KCNIP4: variants seen among roughly 807,000 people sequenced by gnomAD.
KCNIP4 encodes the protein Kv channel-interacting protein 4.
KCNIP4 carries 12 observed loss-of-function variants against 34.0 expected under a neutral mutation model. The ratio of observed to expected loss-of-function variants is 0.35; its 90% confidence interval spans 0.23 to 0.57. The LOEUF is 0.57. KCNIP4 is among the 20% of genes least tolerant of loss of function. The pLI, the probability that KCNIP4 is intolerant of heterozygous loss-of-function variation, is 0.83. For synonymous variants in KCNIP4, 124 were observed against 102.2 expected (o/e 1.21, Z -1.29); for missense variants, 238 against 311.7 (o/e 0.76, Z 1.78).
At chr4:20,906,313 C>T (rs1255114978) in intron 1 of KCNIP4, among the ~76,000 whole-genome samples, 1 of 152,072 alleles carries the variant, frequency 6.6e-6, no homozygotes, top group Non-Finnish European at 1.5e-5. Context: ...CCATGTGCCC[C>T]CTCCCTTATC....
chr4:21,494,560 G>A (rs191756792), intron 1 of KCNIP4, among the ~76,000 whole-genome samples: 4 of 152,116 alleles, frequency 2.6e-5, no homozygotes, highest in Admixed American at 1.3e-4. Context: ...GGACCATGAG[G>A]TCAGGAGTTC....
chr4:21,306,821 CT>C (rs199792803), intron 1 of KCNIP4, among the ~76,000 whole-genome samples: 4,719 of 145,664 alleles, frequency 0.032, 131 homozygotes, highest in East Asian at 0.097. Flanking sequence ...TAGGCAGGAA[CT>C]TTTTTTTTTT....
intron 3 of KCNIP4, among the ~76,000 whole-genome samples, chr4:20,828,070 A>G (rs1717974357): frequency 6.6e-6 from 1 of 152,190 alleles, no homozygotes; most frequent in African/African-American, 2.4e-5. Context: ...GGAAACTACA[A>G]TTTCCTCATG....
At chr4:20,739,119 A>G (rs908788961) in intron 5 of KCNIP4, among the ~76,000 whole-genome samples, 9 of 152,202 alleles carry the variant, frequency 5.9e-5, no homozygotes, top group African/African-American at 9.6e-5. Context: ...CTGCAGCTCA[A>G]GGAGGCCTGC....
chr4:21,634,108 C>G (rs1427943702), intron 1 of KCNIP4, among the ~76,000 whole-genome samples: 1 of 151,520 alleles, frequency 6.6e-6, no homozygotes, highest in East Asian at 1.9e-4. Flanking sequence ...GAGGTCCACA[C>G]CTCATTAATG....
rs1747363328 is a variant in KCNIP4 at position 20,729,600 on chromosome 4, T to TAA, written c.*480_*481dup. 6.7e-6 allele frequency: 1 copy of TAA among 149,670 alleles called. No individual in the cohort carries two copies. The highest frequency in any genetic ancestry group is 1.5e-5 in the Non-Finnish European group (1 of 67,640). The allele number at this position is 149,670 out of a possible 1,614,324, so 9.3% of individuals were successfully genotyped here. A position where few individuals can be genotyped will look rare whatever the true frequency, so the allele number is the denominator to read the frequency against. ...TTTAATTGTTGTAATCTTGTTTCCT[T>TAA]AAAGTATATAAATGGAATTTAAATG... is the stretch of plus-strand genomic sequence containing the variant. On this transcript the variant is annotated 3_prime_UTR_variant, in exon 9 of 9. Coordinates refer to ENST00000382152, the MANE Select transcript of KCNIP4 (RefSeq NM_025221.6).
chr4:20,829,843 G>A lies in KCNIP4; in HGVS notation c.288+20700C>T, dbSNP rs545909568. 3.9e-5 allele frequency among the ~76,000 whole-genome samples: 6 copies of A among 152,024 alleles called. No individual in the cohort carries two copies. In the South Asian group the frequency reaches 6.2e-4, roughly 16 times the overall value. ...TTTCGGTGATCTCATCCAGTCTCAC[G>A]GAGATAAGTATGATATAGATGTTGG... On this transcript the variant is annotated intron_variant, in intron 3 of 8. Transcript: ENST00000382152.
intron 3 of KCNIP4, among the ~76,000 whole-genome samples, chr4:20,782,971 TTTC>T (rs1216141713): frequency 6.6e-6 from 1 of 152,134 alleles, no homozygotes; most frequent in Non-Finnish European, 1.5e-5. Flanking sequence ...TTCTTAGAAA[TTTC>T]TTCTGCCAGA....
intron 1 of KCNIP4, among the ~76,000 whole-genome samples, chr4:21,226,354 AGAAG>A (rs778357072): frequency 2.6e-3 from 357 of 135,904 alleles, no homozygotes; most frequent in Middle Eastern, 0.015. Flanking sequence ...GAGAAGGAAG[AGAAG>A]GAAGGAAGGA....
chr4:21,104,416 C>A (rs529615971), intron 1 of KCNIP4, among the ~76,000 whole-genome samples: 14 of 152,204 alleles, frequency 9.2e-5, no homozygotes, highest in African/African-American at 3.4e-4. Context: ...CTGTTCATAT[C>A]CTTCATCCAC....
At chr4:21,385,837 T>C (rs369430177) in intron 1 of KCNIP4, among the ~76,000 whole-genome samples, 20 of 152,234 alleles carry the variant, frequency 1.3e-4, no homozygotes, top group African/African-American at 4.6e-4. Flanking sequence ...AAAAGTCTAT[T>C]GGACAAATGA....
At chr4:21,114,432 C>G (rs1300328428) in intron 1 of KCNIP4, among the ~76,000 whole-genome samples, 2 of 152,000 alleles carry the variant, frequency 1.3e-5, no homozygotes, top group Non-Finnish European at 2.9e-5. Flanking sequence ...GCATGTGTTG[C>G]TTTTAGTAAG....
At chr4:20,902,122 C>A (rs1000645015) in intron 1 of KCNIP4, among the ~76,000 whole-genome samples, 2 of 152,126 alleles carry the variant, frequency 1.3e-5, no homozygotes, top group African/African-American at 4.8e-5. Context: ...TATTCTGATT[C>A]TAAGAGGCCA....
chr4:21,199,303 T>A (rs1037923469), intron 1 of KCNIP4, among the ~76,000 whole-genome samples: 11 of 152,236 alleles, frequency 7.2e-5, no homozygotes, highest in African/African-American at 2.7e-4. Flanking sequence ...TGGTTTTGAT[T>A]TGCATTTCTC....
chr4:20,987,432 C>T (rs1001739324), intron 1 of KCNIP4, among the ~76,000 whole-genome samples: 2 of 152,016 alleles, frequency 1.3e-5, no homozygotes, highest in Non-Finnish European at 2.9e-5. Context: ...ACCAAAGGTA[C>T]ACTAAAGGCT....
At chr4:21,277,059 A>C (rs2109152931) in intron 1 of KCNIP4, among the ~76,000 whole-genome samples, 1 of 152,326 alleles carries the variant, frequency 6.6e-6, no homozygotes, top group East Asian at 1.9e-4. Context: ...ATTGAGAGGA[A>C]AAATATACAT....
intron 1 of KCNIP4, among the ~76,000 whole-genome samples, chr4:21,644,771 G>A (rs1248872437): frequency 6.6e-6 from 1 of 151,942 alleles, no homozygotes; most frequent in Admixed American, 6.6e-5. Context: ...CCTTAAAATG[G>A]GATACTGCTT....
intron 1 of KCNIP4, among the ~76,000 whole-genome samples, chr4:20,972,910 T>C (rs1282436744): frequency 6.6e-6 from 1 of 152,212 alleles, no homozygotes; most frequent in Non-Finnish European, 1.5e-5. Context: ...AGTATTTAAC[T>C]GAACTACTAC....
At chr4:21,808,649 C>T (rs1029973441) in intron 1 of KCNIP4, among the ~76,000 whole-genome samples, 1 of 152,134 alleles carries the variant, frequency 6.6e-6, no homozygotes, top group African/African-American at 2.4e-5. Context: ...CCACTAACTC[C>T]TACATTGTTC....
Sources: gnomAD v4.1 joint callset for allele counts (sites outside exome capture counted in the v4.1 genomes callset) on GRCh38, gnomAD v4.1.1 for gene constraint, MANE v1.5 for transcripts, NCBI Gene and HGNC (gene_info 2026-07-23, HGNC 2026-07-21) for gene names.